Variants in HTR1F observed in about 807,000 individuals in gnomAD.
HTR1F encodes the protein 5-hydroxytryptamine (serotonin) receptor 1F, G protein-coupled.
In HTR1F, 17 loss-of-function variants were observed where a neutral mutation model predicts 24.0. The observed-to-expected ratio is 0.71, with a 90% confidence interval of 0.48 to 1.06. The LOEUF (loss-of-function observed/expected upper bound fraction) is 1.06, where lower values mean the gene tolerates loss of function less well. HTR1F is among the 50% of genes least tolerant of loss of function. The probability of loss-of-function intolerance (pLI) is 0.00; values close to 1 mark genes in which losing one functional copy is unlikely to be tolerated. For missense variants in HTR1F, 391 were observed against 427.8 expected, an observed-to-expected ratio of 0.91 and a Z score of 0.76; for synonymous variants, 186 against 156.8, an observed-to-expected ratio of 1.19 and a Z score of -1.39.
chr3:87,917,009 G>T (rs1421640159), intron 2 of HTR1F, among the ~76,000 whole-genome samples: 1 of 151,890 alleles, frequency 6.6e-6, no homozygotes, highest in African/African-American at 2.4e-5. Flanking sequence ...ATTATATCAA[G>T]CACTCTCTCA....
At chr3:87,821,048 G>A (rs1348823150) in intron 1 of HTR1F, among the ~76,000 whole-genome samples, 1 of 152,032 alleles carries the variant, frequency 6.6e-6, no homozygotes, top group Non-Finnish European at 1.5e-5. Flanking sequence ...CAACCCTTTG[G>A]TAATATTTGA....
chr3:87,818,173 T>C (rs1346536410), intron 1 of HTR1F, among the ~76,000 whole-genome samples: 1 of 152,184 alleles, frequency 6.6e-6, no homozygotes, highest in South Asian at 2.1e-4. Flanking sequence ...TCATACAACC[T>C]GCAAAGAGCT....
chr3:87,937,234 A>C (rs1307633469), intron 2 of HTR1F, among the ~76,000 whole-genome samples: 1 of 152,192 alleles, frequency 6.6e-6, no homozygotes, highest in Non-Finnish European at 1.5e-5. Context: ...TCCTCAACAA[A>C]ATACTTGCAA....
intron 2 of HTR1F, among the ~76,000 whole-genome samples, chr3:87,885,133 C>A (rs1705906479): frequency 1.3e-5 from 2 of 152,142 alleles, no homozygotes; most frequent in Admixed American, 1.3e-4. Flanking sequence ...GAAATCACAA[C>A]AAACTATCTC....
intron 1 of HTR1F, among the ~76,000 whole-genome samples, chr3:87,817,826 C>T (rs982463968): frequency 1.3e-5 from 2 of 152,046 alleles, no homozygotes; most frequent in Admixed American, 1.3e-4. Context: ...ATTGGTTTGC[C>T]GATGCCACCT....
intron 2 of HTR1F, among the ~76,000 whole-genome samples, chr3:87,944,653 C>T (rs1704651586): frequency 6.6e-6 from 1 of 152,156 alleles, no homozygotes. Flanking sequence ...ACAGAATAGC[C>T]CCATACTTTA....
intron 2 of HTR1F, among the ~76,000 whole-genome samples, chr3:87,831,061 A>C (rs975577018): frequency 1.3e-5 from 2 of 152,154 alleles, no homozygotes; most frequent in African/African-American, 4.8e-5. Flanking sequence ...AAATGAAAAA[A>C]TAATCAATGA....
chr3:87,940,948 G>T (rs556014000), intron 2 of HTR1F, among the ~76,000 whole-genome samples: 4 of 152,310 alleles, frequency 2.6e-5, no homozygotes, highest in African/African-American at 9.6e-5. Flanking sequence ...GACTGCTACT[G>T]CCGCCACTAC....
chr3:87,793,376 TCG>T (rs1439082755), intron 1 of HTR1F: 1 of 151,664 alleles, frequency 6.6e-6, no homozygotes, highest in Non-Finnish European at 1.5e-5. Context: ...AGATCGGAAA[TCG>T]CTTGCAGTTT....
At chr3:87,883,967 A>G (rs191539849) in intron 2 of HTR1F, among the ~76,000 whole-genome samples, 2 of 152,332 alleles carry the variant, frequency 1.3e-5, no homozygotes, top group Admixed American at 6.5e-5. Context: ...AGGCAAGCCA[A>G]CATTCAAATT....
At chr3:87,931,026 C>CTTTTTTTTTTTTT (rs34617109) in intron 2 of HTR1F, among the ~76,000 whole-genome samples, 2 of 131,836 alleles carry the variant, frequency 1.5e-5, no homozygotes, top group Admixed American at 7.8e-5. Context: ...ATAGTCTTTC[C>CTTTTTTTTTTTTT]TTTTTTTTTT....
intron 2 of HTR1F, among the ~76,000 whole-genome samples, chr3:87,838,529 A>G (rs968098890): frequency 1.3e-5 from 2 of 152,124 alleles, no homozygotes; most frequent in Admixed American, 1.3e-4. Context: ...ATTACTTAAC[A>G]TAATACCCTT....
At chr3:87,952,809 G>C (rs1704863037) in intron 2 of HTR1F, among the ~76,000 whole-genome samples, 1 of 151,362 alleles carries the variant, frequency 6.6e-6, no homozygotes, top group African/African-American at 2.4e-5. Context: ...AATCCCAATT[G>C]CTTTCTCCAG....
chr3:87,927,195 A>T (rs1704146511), intron 2 of HTR1F, among the ~76,000 whole-genome samples: 1 of 152,156 alleles, frequency 6.6e-6, no homozygotes, highest in African/African-American at 2.4e-5. Context: ...TCTGCAAAAG[A>T]TGTAGTTACA....
chr3:87,843,511 CTT>C (rs56345027), intron 2 of HTR1F, among the ~76,000 whole-genome samples: 6 of 138,226 alleles, frequency 4.3e-5, no homozygotes, highest in African/African-American at 1.6e-4. Flanking sequence ...CTTTCTTTTT[CTT>C]TTTTTTTTTT....
intron 2 of HTR1F, among the ~76,000 whole-genome samples, chr3:87,938,236 G>A (rs1296967477): frequency 3.4e-4 from 52 of 152,182 alleles, no homozygotes; most frequent in Admixed American, 3.4e-3. Flanking sequence ...AACTAGGGAG[G>A]TGAAAGATCT....
At chr3:87,815,334 T>C (rs1704230780) in intron 1 of HTR1F, among the ~76,000 whole-genome samples, 1 of 152,028 alleles carries the variant, frequency 6.6e-6, no homozygotes, top group Non-Finnish European at 1.5e-5. Context: ...AAAAGATTAA[T>C]GTTTAATTAA....
intron 2 of HTR1F, among the ~76,000 whole-genome samples, chr3:87,890,616 G>A (rs1317762342): frequency 6.7e-6 from 1 of 149,814 alleles, no homozygotes; most frequent in African/African-American, 2.5e-5. Flanking sequence ...ACTGTACGGT[G>A]GATAAACTTG....
chr3:87,989,006 A>G (rs1240774535), intron 2 of HTR1F, among the ~76,000 whole-genome samples: 1 of 152,226 alleles, frequency 6.6e-6, no homozygotes, highest in African/African-American at 2.4e-5. Flanking sequence ...AAACAGAACT[A>G]CGTTAACATT....
Sources: allele counts gnomAD v4.1 joint callset (sites outside exome capture counted in the v4.1 genomes callset), GRCh38; gene constraint gnomAD v4.1.1; transcripts MANE v1.5; gene names NCBI Gene and HGNC (gene_info 2026-07-23, HGNC 2026-07-21).